CADM2: variants seen among roughly 807,000 people sequenced by gnomAD.
CADM2 encodes cell adhesion molecule 2, also known as immunoglobulin superfamily member 4D.
Under a neutral mutation model 49.8 loss-of-function variants are expected in CADM2, and 12 were observed. The observed-to-expected ratio is 0.24, with a 90% confidence interval of 0.15 to 0.39. CADM2 has a LOEUF of 0.39. CADM2 is among the 10% of genes least tolerant of loss of function. CADM2 has a pLI of 1.00. For synonymous variants in CADM2, 214 were observed against 175.4 expected, an observed-to-expected ratio of 1.22 and a Z score of -1.74; for missense variants, 378 against 492.3, an observed-to-expected ratio of 0.77 and a Z score of 2.20.
intron 2 of CADM2, among the ~76,000 whole-genome samples, chr3:85,740,037 T>A (rs574577585): frequency 6.6e-6 from 1 of 152,310 alleles, no homozygotes; most frequent in African/African-American, 2.4e-5. Flanking sequence ...TGAGTAACAG[T>A]ATTAGATGTT....
At chr3:84,982,384 G>C (rs2107140110) in intron 1 of CADM2, among the ~76,000 whole-genome samples, 1 of 151,984 alleles carries the variant, frequency 6.6e-6, no homozygotes, top group Admixed American at 6.6e-5. Flanking sequence ...TTTTTATGAT[G>C]ATTTATGCAG....
At chr3:85,166,467 A>G (rs762419697) in intron 1 of CADM2, among the ~76,000 whole-genome samples, 30 of 151,994 alleles carry the variant, frequency 2.0e-4, no homozygotes, top group Non-Finnish European at 4.0e-4. Flanking sequence ...ATGAACAATA[A>G]GAAACACCTT....
At chr3:85,781,285 A>C (rs2070635474) in intron 2 of CADM2, among the ~76,000 whole-genome samples, 1 of 152,082 alleles carries the variant, frequency 6.6e-6, no homozygotes, top group Non-Finnish European at 1.5e-5. Context: ...GCTATTTTTA[A>C]ACTTGAAATT....
At chr3:85,078,671 ATTCT>A (rs1238673465) in intron 1 of CADM2, among the ~76,000 whole-genome samples, 1 of 151,482 alleles carries the variant, frequency 6.6e-6, no homozygotes, top group Non-Finnish European at 1.5e-5. Context: ...GAAATGCCCC[ATTCT>A]TTCTTTCTTT....
chr3:85,531,738 T>G (rs193283590), intron 1 of CADM2, among the ~76,000 whole-genome samples: 1 of 152,208 alleles, frequency 6.6e-6, no homozygotes, highest in Admixed American at 6.5e-5. Context: ...CCATGATCTA[T>G]AAATAAACGA....
intron 1 of CADM2, among the ~76,000 whole-genome samples, chr3:85,513,319 G>A (rs2060816902): frequency 6.6e-6 from 1 of 151,910 alleles, no homozygotes; most frequent in South Asian, 2.1e-4. Context: ...TGCTGAAAGG[G>A]AAGGCAAAGT....
At chr3:85,055,018 G>T (rs1471763536) in intron 1 of CADM2, among the ~76,000 whole-genome samples, 1 of 151,756 alleles carries the variant, frequency 6.6e-6, no homozygotes, top group East Asian at 1.9e-4. Context: ...TGCTGAAAGT[G>T]TTTTCATTTT....
At chr3:85,454,165 G>A (rs950638669) in intron 1 of CADM2, among the ~76,000 whole-genome samples, 1 of 151,994 alleles carries the variant, frequency 6.6e-6, no homozygotes, top group South Asian at 2.1e-4. Context: ...GACTAGCCTG[G>A]TCAACATGGT....
chr3:85,228,563 A>G (rs1022226093), intron 1 of CADM2, among the ~76,000 whole-genome samples: 2 of 151,656 alleles, frequency 1.3e-5, no homozygotes, highest in African/African-American at 2.4e-5. Flanking sequence ...TTTCTTTCTA[A>G]CAGTCAGGCC....
chr3:85,993,169 A>T (rs761012478), intron 8 of CADM2: 4 of 152,164 alleles, frequency 2.6e-5, no homozygotes, highest in African/African-American at 9.7e-5. Context: ...CAAGACCTTG[A>T]TTCTGCAAAA....
Position 85,067,220 on chromosome 3 carries a change from T to A in CADM2, c.61+107552T>A, listed in dbSNP as rs547826603. On this transcript the variant is annotated intron_variant, in intron 1 of 9. Transcript: ENST00000383699. ...AAAAGTATCACTTATTTTAGGAAAG[T>A]ACAACTAATATTATTGGTGCTGCTT... is the stretch of plus-strand genomic sequence containing the variant. Among the ~76,000 whole-genome samples, 6 of 152,224 alleles carry A rather than the reference T, an allele frequency of 3.9e-5. No homozygotes were observed. In the South Asian group the frequency reaches 1.2e-3, roughly 32 times the overall value.
chr3:85,809,971 C>T (rs1209931256), intron 3 of CADM2, among the ~76,000 whole-genome samples: 1 of 151,582 alleles, frequency 6.6e-6, no homozygotes, highest in Non-Finnish European at 1.5e-5. Flanking sequence ...ATCGTGTTCC[C>T]CTTAGGAATT....
chr3:85,896,466 A>G (rs755309739), intron 5 of CADM2, among the ~76,000 whole-genome samples: 7 of 152,202 alleles, frequency 4.6e-5, no homozygotes, highest in Non-Finnish European at 7.3e-5. Context: ...GCCATTTCTC[A>G]TGATGTGTAC....
intron 8 of CADM2, among the ~76,000 whole-genome samples, chr3:86,056,689 AAC>A (rs772548019): frequency 2.2e-4 from 33 of 152,204 alleles, no homozygotes; most frequent in Admixed American, 7.9e-4. Flanking sequence ...CACTTACTGA[AAC>A]AGTTTGTAAA....
chr3:86,041,812 T>C (rs1019178663), intron 8 of CADM2, among the ~76,000 whole-genome samples: 3 of 152,132 alleles, frequency 2.0e-5, no homozygotes, highest in South Asian at 2.1e-4. Flanking sequence ...TATTCCAAAA[T>C]TGACAACATA....
At position 85,057,428 on chromosome 3, in the gene CADM2, A is replaced by G. The variant is rs56168842; in HGVS notation, c.61+97760A>G. Among the ~76,000 whole-genome samples, 954 of 152,196 alleles carry G rather than the reference A, an allele frequency of 6.3e-3. 5 individuals are homozygous for G. The highest frequency in any genetic ancestry group is 0.011 in the Non-Finnish European group (724 of 67,978). Reference sequence around the variant, plus strand: ...ACACATCAGGACAGTCATAAAAATTATTAATTAAATGATTATATTAGAATA... The same window carrying G: ...ACACATCAGGACAGTCATAAAAATTGTTAATTAAATGATTATATTAGAATA... On this transcript the variant is annotated intron_variant, in intron 1 of 9. Coordinates refer to ENST00000383699, the MANE Select transcript of CADM2 (RefSeq NM_001167675.2).
Position 85,883,299 on chromosome 3 carries a change from G to A in CADM2, c.247G>A (p.Asp83Asn). The A allele has an allele frequency of 6.2e-7, 1 of 1,610,606 alleles. No individual in the cohort carries two copies. The highest frequency in any genetic ancestry group is 8.5e-7 in the Non-Finnish European group (1 of 1,178,064). Residue 83 changes from aspartate to asparagine, a missense_variant, in exon 4 of 10, where the codon GAC (aspartate) becomes AAC (asparagine). Coordinates refer to ENST00000383699, the MANE Select transcript of CADM2 (RefSeq NM_001167675.2). ...ATATTTTCTCTTTCCAGCTTTAAGG[G>A]ACAATAGGATCGAGCTGGTTCGCGC... ...LYFDDKKALR[D>N]NRIELVRASW...
intron 1 of CADM2, among the ~76,000 whole-genome samples, chr3:85,493,922 C>T (rs2039780032): frequency 6.6e-6 from 1 of 152,150 alleles, no homozygotes; most frequent in Non-Finnish European, 1.5e-5. Flanking sequence ...CATTTAAATA[C>T]TTATGACATA....
At chr3:85,867,893 T>G (rs974564216) in intron 3 of CADM2, among the ~76,000 whole-genome samples, 2 of 152,066 alleles carry the variant, frequency 1.3e-5, no homozygotes, top group African/African-American at 4.8e-5. Flanking sequence ...TATTTCCACC[T>G]TGCCTTACTT....
Sources: allele counts gnomAD v4.1 joint callset (sites outside exome capture counted in the v4.1 genomes callset), GRCh38; gene constraint gnomAD v4.1.1; transcripts MANE v1.5; gene names NCBI Gene and HGNC (gene_info 2026-07-23, HGNC 2026-07-21).